The following GPRC6A variants were observed in gnomAD, a reference collection of about 807,000 sequenced individuals.
GPRC6A encodes the protein G protein-coupled receptor family C group 6 member A.
GPRC6A carries 54 observed loss-of-function variants against 47.0 expected under a neutral mutation model. The observed-to-expected ratio is 1.15, with a 90% confidence interval of 0.92 to 1.44. The LOEUF is 1.44. Among genes scored for constraint, GPRC6A ranks in the 40% most tolerant of loss-of-function variants. GPRC6A has a pLI of 0.00. For synonymous variants in GPRC6A, 347 were observed against 377.1 expected, an observed-to-expected ratio of 0.92 and a Z score of 0.93; for missense variants, 1,112 against 1,105.5, an observed-to-expected ratio of 1.01 and a Z score of -0.08.
intron 4 of GPRC6A, among the ~76,000 whole-genome samples, chr6:116,800,161 G>A (rs1375225503): frequency 1.3e-5 from 2 of 151,840 alleles, no homozygotes; most frequent in Admixed American, 6.6e-5. Flanking sequence ...AATTTAAAAT[G>A]AGACTAGTCA....
At chr6:116,819,260 G>A (rs1364047317) in intron 1 of GPRC6A, among the ~76,000 whole-genome samples, 4 of 150,378 alleles carry the variant, frequency 2.7e-5, no homozygotes, top group Non-Finnish European at 4.5e-5. Flanking sequence ...TTAATAATGG[G>A]AGACTTTAAC....
rs780560813 is a variant in GPRC6A, at chr6:116,792,865, T to A, written c.2058A>T (p.Leu686=). ...CILTKSLKIL[L]AFSFDPKLQK... Reference sequence around the variant, plus strand: ...GTAATTTGGGATCAAAGCTGAAGGCTAGCAAAATTTTCAGAGACTTCGTCA... The same window carrying A: ...GTAATTTGGGATCAAAGCTGAAGGCAAGCAAAATTTTCAGAGACTTCGTCA... The change falls in exon 6 of 6, where the codon CTA becomes CTT. Residue 686 remains leucine, a synonymous_variant. Transcript: ENST00000310357. 1.9e-6 allele frequency: 3 copies of A among 1,614,084 alleles called. No homozygotes were observed. In the East Asian group the frequency reaches 6.7e-5, roughly 36 times the overall value.
intron 4 of GPRC6A, among the ~76,000 whole-genome samples, chr6:116,796,291 AAG>A (rs1252106329): frequency 6.6e-6 from 1 of 152,102 alleles, no homozygotes; most frequent in East Asian, 1.9e-4. Flanking sequence ...ATAAAAAAAA[AAG>A]AAACATTTTG....
intron 4 of GPRC6A, among the ~76,000 whole-genome samples, chr6:116,799,769 A>G (rs141141018): frequency 1.6e-4 from 25 of 152,304 alleles, no homozygotes; most frequent in Non-Finnish European, 2.8e-4. Context: ...TATAATGTAG[A>G]AGAAAGAATG....
chr6:116,818,532 TAAAAAAA>T (rs35974500), intron 1 of GPRC6A, among the ~76,000 whole-genome samples: 26 of 15,506 alleles, frequency 1.7e-3, no homozygotes, highest in South Asian at 3.7e-3. Flanking sequence ...AGACTCCGTC[TAAAAAAA>T]AAAAAAAAAA....
intron 1 of GPRC6A, among the ~76,000 whole-genome samples, chr6:116,817,276 C>G (rs947611501): frequency 2.0e-5 from 3 of 152,124 alleles, no homozygotes; most frequent in Non-Finnish European, 2.9e-5. Context: ...AGCAGGGGCA[C>G]ACTGACATCT....
chr6:116,804,866 T>G (rs1450113938), intron 3 of GPRC6A, among the ~76,000 whole-genome samples: 10 of 152,070 alleles, frequency 6.6e-5, no homozygotes, highest in Admixed American at 5.3e-4. Flanking sequence ...CCACTTTATG[T>G]CATCTGTCTC....
At chr6:116,811,248 A>G (rs1323305498) in intron 1 of GPRC6A, among the ~76,000 whole-genome samples, 1 of 152,124 alleles carries the variant, frequency 6.6e-6, no homozygotes, top group Non-Finnish European at 1.5e-5. Context: ...ACCAGAATAA[A>G]AGCCAAAGGA....
intron 1 of GPRC6A, among the ~76,000 whole-genome samples, chr6:116,813,611 G>A (rs1371966012): frequency 6.6e-6 from 1 of 152,160 alleles, no homozygotes; most frequent in Non-Finnish European, 1.5e-5. Flanking sequence ...GTTAATTCAA[G>A]ATGGATTAAA....
chr6:116,813,529 TG>T (rs1264915981), intron 1 of GPRC6A, among the ~76,000 whole-genome samples: 2 of 152,166 alleles, frequency 1.3e-5, no homozygotes, highest in Admixed American at 6.5e-5. Context: ...GTTTAATAAA[TG>T]GTGCTGGGAA....
Position 116,793,668 on chromosome 6 carries a change from G to A in GPRC6A, c.1673-418C>T, listed in dbSNP as rs144869733. The stretch of plus-strand genomic sequence containing the variant: ...CTTGAACAAACTAACTGAACTTTCT[G>A]AGCCTATTTCAGAATCTCCCATATC... On this transcript the variant is annotated intron_variant, in intron 5 of 5. Transcript: ENST00000310357. 2.6e-3 allele frequency among the ~76,000 whole-genome samples: 393 copies of A among 152,238 alleles called. 2 individuals carry two copies. The highest frequency in any genetic ancestry group is 4.0e-3 in the Non-Finnish European group (272 of 68,010).
rs183952854 is a variant in GPRC6A at position 116,810,028 on chromosome 6, C to G, written c.195-411G>C. 5.3e-5 allele frequency among the ~76,000 whole-genome samples: 8 copies of G among 152,134 alleles called. 1 individual carries two copies. Among genetic ancestry groups the G allele is most frequent in the Non-Finnish European group, 1.0e-4 (7 of 67,968 alleles). On this transcript the variant is annotated intron_variant, in intron 1 of 5. Coordinates refer to ENST00000310357, the MANE Select transcript of GPRC6A (RefSeq NM_148963.4). ...GATTGGAAACCAGATAAATAAGACT[C>G]TTAAGAATTACATTTAAACAGCTTT...
Position 116,818,532 on chromosome 6 carries a change from TAAAAAAAAAAAAAAAAA to T in GPRC6A, c.195-8932_195-8916del, listed in dbSNP as rs35974500. On this transcript the variant is annotated intron_variant, in intron 1 of 5. Coordinates refer to ENST00000310357, the MANE Select transcript of GPRC6A (RefSeq NM_148963.4). ...CTGGGCGACAGAGCGAGACTCCGTC[TAAAAAAAAAAAAAAAAA>T]AAAAAAAAAAAAAAAAAAAAAGAAT... 6.9e-3 allele frequency among the ~76,000 whole-genome samples: 107 copies of T among 15,508 alleles called. 3 individuals are homozygous for T. The highest frequency in any genetic ancestry group is 0.048 in the South Asian group (13 of 270). The allele number at this position is 15,508 out of a possible 152,430, so 10.2% of individuals were successfully genotyped here.
intron 4 of GPRC6A, among the ~76,000 whole-genome samples, 197 bp downstream of exon 4, chr6:116,800,387 C>T (rs1772632510): frequency 7.0e-6 from 1 of 142,400 alleles, no homozygotes; most frequent in African/African-American, 2.6e-5. Context: ...CTCCCTCTCT[C>T]TCTCTCTTTC....
At position 116,795,859 on chromosome 6, in the gene GPRC6A, A is replaced by G. The variant is rs772912197; in HGVS notation, c.1549-24T>C. On this transcript the variant is annotated intron_variant, in intron 4 of 5. Coordinates refer to ENST00000310357, the MANE Select transcript of GPRC6A (RefSeq NM_148963.4). ...TGCTATATTAAAAGTGAAAAAAAAAATCACAAGTAAATTTGTAAAAAAAAT... is the reference window on the plus strand; with the variant it reads ...TGCTATATTAAAAGTGAAAAAAAAAGTCACAAGTAAATTTGTAAAAAAAAT... 5.3e-6 allele frequency: 8 copies of G among 1,511,970 alleles called. No individual in the cohort carries two copies. In the East Asian group the frequency reaches 1.6e-4, roughly 30 times the overall value. The allele number at this position is 1,511,970 out of a possible 1,614,324, so 93.7% of individuals were successfully genotyped here.
intron 1 of GPRC6A, among the ~76,000 whole-genome samples, chr6:116,810,343 A>G (rs560576120): frequency 1.9e-4 from 29 of 152,254 alleles, no homozygotes; most frequent in Non-Finnish European, 4.1e-4. Context: ...TTAGTTCATT[A>G]AGTTTTGATA....
Position 116,792,659 on chromosome 6 carries a change from A to C in GPRC6A, c.2264T>G (p.Met755Arg). 6.2e-7 allele frequency: 1 copy of C among 1,613,638 alleles called. No individual in the cohort carries two copies. The highest frequency in any genetic ancestry group is 2.2e-5 in the East Asian group (1 of 44,868). Residue 755 changes from methionine to arginine, a missense_variant, in exon 6 of 6, where the codon ATG becomes AGG. Met to Arg is a moderately conservative substitution (Grantham distance 91). Coordinates refer to ENST00000310357, the MANE Select transcript of GPRC6A (RefSeq NM_148963.4). ...EEGSILAFGT[M>R]LGYIAILAFI... ...GGCCAGGATGGCAATGTAGCCCAGC[A>C]TGGTGCCAAATGCAAGTATGGATCC...
At chr6:116,819,040 A>G (rs1427246802) in intron 1 of GPRC6A, among the ~76,000 whole-genome samples, 1 of 152,178 alleles carries the variant, frequency 6.6e-6, no homozygotes, top group Non-Finnish European at 1.5e-5. Flanking sequence ...AAAACAAAAA[A>G]AGGCAGGGGT....
In GPRC6A at chr6:116,792,968, C is replaced by G. The variant is rs1772362138; in HGVS notation, c.1955G>C (p.Gly652Ala). 2 of 1,614,028 alleles carry G rather than the reference C, an allele frequency of 1.2e-6. No individual in the cohort carries two copies. The highest frequency in any genetic ancestry group is 1.7e-6 in the Non-Finnish European group (2 of 1,179,962). ...LNFASTSFFI[G>A]EPQDFTCKTR... ...TTTACATGTGAAGTCTTGTGGTTCT[C>G]CAATGAAAAAGCTCGTGCTGGCAAA... The change falls in exon 6 of 6, where the codon GGA (glycine) becomes GCA (alanine). Residue 652 changes from glycine (G) to alanine (A), a missense_variant. By Grantham distance (60) the Gly-to-Ala change is moderately conservative. Transcript: ENST00000310357.
Sources: gnomAD v4.1 joint callset for allele counts (sites outside exome capture counted in the v4.1 genomes callset) on GRCh38, gnomAD v4.1.1 for gene constraint, MANE v1.5 for transcripts, NCBI Gene and HGNC (gene_info 2026-07-23, HGNC 2026-07-21) for gene names.